Variants in NKAIN2 observed in about 807,000 individuals in gnomAD.
NKAIN2 encodes the protein sodium/potassium-transporting ATPase subunit beta-1-interacting protein 2.
A neutral mutation model predicts 32.6 loss-of-function variants in NKAIN2; 14 were observed. That is an observed-to-expected ratio of 0.43 (90% confidence interval 0.28 to 0.67). NKAIN2 has a LOEUF of 0.67. NKAIN2 is among the 30% of genes least tolerant of loss of function. The probability of loss-of-function intolerance (pLI) is 0.17; values close to 1 mark genes in which losing one functional copy is unlikely to be tolerated. For synonymous variants in NKAIN2, 80 were observed against 87.2 expected (o/e 0.92, Z 0.46); for missense variants, 198 against 258.3 (o/e 0.77, Z 1.60).
At chr6:124,448,496 A>G (rs893250622) in intron 3 of NKAIN2, among the ~76,000 whole-genome samples, 3 of 152,084 alleles carry the variant, frequency 2.0e-5, no homozygotes, top group African/African-American at 7.2e-5. Context: ...AGCCTCTACA[A>G]TCCATATTCA....
At chr6:124,628,539 A>G (rs184575235) in intron 3 of NKAIN2, among the ~76,000 whole-genome samples, 1 of 151,982 alleles carries the variant, frequency 6.6e-6, no homozygotes, top group African/African-American at 2.4e-5. Context: ...GTGATATACA[A>G]CTTATTTTAT....
intron 3 of NKAIN2, among the ~76,000 whole-genome samples, chr6:124,477,323 G>A (rs1777259196): frequency 6.6e-6 from 1 of 152,100 alleles, no homozygotes; most frequent in Non-Finnish European, 1.5e-5. Flanking sequence ...TCTATCCCTA[G>A]AGTCTTCCAC....
intron 1 of NKAIN2, among the ~76,000 whole-genome samples, chr6:124,020,301 G>A (rs1462636016): frequency 6.6e-6 from 1 of 152,088 alleles, no homozygotes; most frequent in East Asian, 1.9e-4. Flanking sequence ...TCATTGATCA[G>A]TATCCCTTTC....
chr6:124,012,416 A>T (rs1780379384), intron 1 of NKAIN2, among the ~76,000 whole-genome samples: 1 of 150,596 alleles, frequency 6.6e-6, no homozygotes, highest in African/African-American at 2.5e-5. Context: ...GCTCACTGCA[A>T]GCTCCGCCTC....
At chr6:124,547,070 A>G (rs1162873100) in intron 3 of NKAIN2, among the ~76,000 whole-genome samples, 1 of 152,226 alleles carries the variant, frequency 6.6e-6, no homozygotes, top group Non-Finnish European at 1.5e-5. Context: ...ACTATAAATG[A>G]ACATCAAGGT....
intron 3 of NKAIN2, among the ~76,000 whole-genome samples, chr6:124,645,912 T>A (rs1784150766): frequency 6.6e-6 from 1 of 152,198 alleles, no homozygotes; most frequent in African/African-American, 2.4e-5. Context: ...TACCATTACA[T>A]CTAGAATAGT....
intron 4 of NKAIN2, among the ~76,000 whole-genome samples, chr6:124,716,573 CACTT>C (rs1438027174): frequency 6.6e-6 from 1 of 152,140 alleles, no homozygotes; most frequent in Non-Finnish European, 1.5e-5. Context: ...CTCCTAATAT[CACTT>C]AGTTAAAGGC....
At chr6:123,888,641 A>T (rs1193970418) in intron 1 of NKAIN2, among the ~76,000 whole-genome samples, 1 of 152,114 alleles carries the variant, frequency 6.6e-6, no homozygotes, top group Admixed American at 6.6e-5. Context: ...TAAATTTAAG[A>T]ATATATTCCT....
chr6:124,301,967 G>T (rs1030923273), intron 2 of NKAIN2, among the ~76,000 whole-genome samples: 1 of 152,084 alleles, frequency 6.6e-6, no homozygotes, highest in African/African-American at 2.4e-5. Flanking sequence ...GTTTTGGGAG[G>T]GGCTGGGGTG....
chr6:124,477,828 CCTT>C (rs1342204646), intron 3 of NKAIN2, among the ~76,000 whole-genome samples: 3 of 140,104 alleles, frequency 2.1e-5, no homozygotes, highest in East Asian at 4.4e-4. Context: ...TCTCTCTCCT[CCTT>C]CTTCTTCCTC....
intron 4 of NKAIN2, among the ~76,000 whole-genome samples, chr6:124,762,995 A>G (rs1307375481): frequency 5.9e-5 from 9 of 152,216 alleles, no homozygotes; most frequent in Non-Finnish European, 2.9e-5. Context: ...TGTACTGTTC[A>G]GTGTTGAAAA....
chr6:124,655,223 A>T (rs1249074489), intron 3 of NKAIN2, among the ~76,000 whole-genome samples: 1 of 152,090 alleles, frequency 6.6e-6, no homozygotes. Context: ...CTTTTAGATG[A>T]TGATAGCTGT....
At chr6:123,914,979 A>T (rs111763741) in intron 1 of NKAIN2, among the ~76,000 whole-genome samples, 1 of 152,138 alleles carries the variant, frequency 6.6e-6, no homozygotes, top group East Asian at 1.9e-4. Context: ...ACATTTACTG[A>T]ATCAAAGTCT....
intron 1 of NKAIN2, among the ~76,000 whole-genome samples, chr6:124,149,804 G>A (rs1361334980): frequency 6.6e-6 from 1 of 152,132 alleles, no homozygotes; most frequent in Non-Finnish European, 1.5e-5. Flanking sequence ...CTCAGACACA[G>A]GTATGCAGTG....
intron 1 of NKAIN2, among the ~76,000 whole-genome samples, chr6:123,804,817 G>A (rs1773148293): frequency 6.6e-6 from 1 of 152,128 alleles, no homozygotes; most frequent in Non-Finnish European, 1.5e-5. Context: ...AGTTTTTAAA[G>A]TATGCAGATT....
At chr6:124,549,101 T>A (rs1454543179) in intron 3 of NKAIN2, among the ~76,000 whole-genome samples, 1 of 152,158 alleles carries the variant, frequency 6.6e-6, no homozygotes, top group Non-Finnish European at 1.5e-5. Context: ...GCGCGATGGC[T>A]CACACCTGTA....
intron 1 of NKAIN2, among the ~76,000 whole-genome samples, chr6:124,219,556 C>G (rs2689883): frequency 0.7 from 106,783 of 151,892 alleles, 37,706 homozygotes; most frequent in South Asian, 0.76. Flanking sequence ...GGGATTACAA[C>G]TGTGAGCCAC....
chr6:124,182,770 A>G (rs1789507873), intron 1 of NKAIN2, among the ~76,000 whole-genome samples: 1 of 152,170 alleles, frequency 6.6e-6, no homozygotes, highest in Admixed American at 6.5e-5. Flanking sequence ...TTTAATAAAC[A>G]TTGGTATTGG....
At chr6:123,907,205 A>G (rs1269153423) in intron 1 of NKAIN2, among the ~76,000 whole-genome samples, 1 of 152,216 alleles carries the variant, frequency 6.6e-6, no homozygotes, top group Non-Finnish European at 1.5e-5. Context: ...TTCATAGGAA[A>G]AAAACGCTAA....
Sources: allele counts gnomAD v4.1 joint callset (sites outside exome capture counted in the v4.1 genomes callset), GRCh38; gene constraint gnomAD v4.1.1; transcripts MANE v1.5; gene names NCBI Gene and HGNC (gene_info 2026-07-23, HGNC 2026-07-21).